Variants in PPP3CA observed in about 807,000 individuals in gnomAD.
PPP3CA encodes the protein CAM-PRP catalytic subunit.
Under a neutral mutation model 66.5 loss-of-function variants are expected in PPP3CA, and 14 were observed. The ratio of observed to expected loss-of-function variants is 0.21; its 90% CI spans 0.14 to 0.33. The LOEUF (loss-of-function observed/expected upper bound fraction) is 0.33, where lower values mean the gene tolerates loss of function less well. Among genes scored for constraint, PPP3CA ranks in the 10% least tolerant of loss-of-function variants. The pLI is 1.00. For synonymous variants in PPP3CA, 232 were observed against 226.2 expected (o/e 1.03, Z -0.23); for missense variants, 317 against 639.5 (o/e 0.50, Z 5.44).
chr4:101,197,267 C>T (rs1191332388), intron 1 of PPP3CA, among the ~76,000 whole-genome samples: 1 of 152,076 alleles, frequency 6.6e-6, no homozygotes, highest in African/African-American at 2.4e-5. Context: ...AGACCTATGC[C>T]AAAAAATTGT....
intron 1 of PPP3CA, among the ~76,000 whole-genome samples, chr4:101,321,473 T>C (rs1729039302): frequency 6.6e-6 from 1 of 152,204 alleles, no homozygotes; most frequent in Admixed American, 6.5e-5. Context: ...GCTTAAAAAA[T>C]ATTAGCAGAG....
chr4:101,283,755 C>A (rs1027112388), intron 1 of PPP3CA, among the ~76,000 whole-genome samples: 6 of 152,018 alleles, frequency 3.9e-5, no homozygotes, highest in Non-Finnish European at 8.8e-5. Context: ...CTGGAAGATG[C>A]CATTGTTATC....
intron 2 of PPP3CA, among the ~76,000 whole-genome samples, chr4:101,131,656 A>G (rs1214531958): frequency 1.3e-5 from 2 of 152,192 alleles, no homozygotes; most frequent in South Asian, 2.1e-4. Context: ...TAATAGTGGG[A>G]GACTTTAACA....
At chr4:101,222,709 A>G (rs1049309720) in intron 1 of PPP3CA, among the ~76,000 whole-genome samples, 1 of 151,692 alleles carries the variant, frequency 6.6e-6, no homozygotes, top group African/African-American at 2.4e-5. Flanking sequence ...AGATAGGCCA[A>G]TCGTACAAGG....
At chr4:101,053,619 C>T (rs1405038223) in intron 10 of PPP3CA, among the ~76,000 whole-genome samples, 3 of 152,096 alleles carry the variant, frequency 2.0e-5, no homozygotes, top group Non-Finnish European at 4.4e-5. Context: ...TTTTCCAAAT[C>T]CTGCTTGGGC....
intron 10 of PPP3CA, among the ~76,000 whole-genome samples, chr4:101,052,524 C>A (rs753947360): frequency 6.6e-5 from 10 of 151,242 alleles, no homozygotes; most frequent in Non-Finnish European, 1.2e-4. Context: ...TAAAGACAAA[C>A]GATTTAGCTT....
chr4:101,107,459 A>G lies in PPP3CA; in HGVS notation c.384+1495T>C, dbSNP rs62305892. ...GCATATACATTTTATATGCTTGACC[A>G]TACTTGTTTATCAAATGGAGGAAAT... On this transcript the variant is annotated intron_variant, in intron 3 of 13. Coordinates refer to ENST00000394854, the MANE Select transcript of PPP3CA (RefSeq NM_000944.5). 2.8e-3 allele frequency among the ~76,000 whole-genome samples: 424 copies of G among 152,340 alleles called. 1 individual carries two copies. Among genetic ancestry groups the G allele is most frequent in the Non-Finnish European group, 4.6e-3 (313 of 68,022 alleles).
At chr4:101,321,621 G>C (rs1031908264) in intron 1 of PPP3CA, among the ~76,000 whole-genome samples, 10 of 152,132 alleles carry the variant, frequency 6.6e-5, no homozygotes, top group African/African-American at 2.2e-4. Flanking sequence ...GGATTCACTT[G>C]TTGTTGTCAT....
At chr4:101,164,761 A>G (rs1446271567) in intron 2 of PPP3CA, among the ~76,000 whole-genome samples, 1 of 152,064 alleles carries the variant, frequency 6.6e-6, no homozygotes, top group African/African-American at 2.4e-5. Context: ...ATGAAAATAT[A>G]ATGTCAGTAT....
chr4:101,071,732 T>C (rs1728929174), intron 8 of PPP3CA, among the ~76,000 whole-genome samples: 2 of 152,194 alleles, frequency 1.3e-5, no homozygotes, highest in Non-Finnish European at 2.9e-5. Context: ...ACATCTGAAA[T>C]CCTGTAATTC....
At chr4:101,060,232 C>T (rs1172739446) in intron 10 of PPP3CA, among the ~76,000 whole-genome samples, 2 of 152,018 alleles carry the variant, frequency 1.3e-5, no homozygotes. Context: ...GGACCACAAT[C>T]ATGCACCACC....
intron 1 of PPP3CA, among the ~76,000 whole-genome samples, chr4:101,323,158 C>T (rs1338353408): frequency 1.3e-5 from 2 of 152,126 alleles, no homozygotes; most frequent in Non-Finnish European, 2.9e-5. Context: ...TCTAGTATTC[C>T]TATTGCTCCA....
chr4:101,032,049 AATGGGGGAAAG>A, intron 12 of PPP3CA, among the ~76,000 whole-genome samples: 1 of 152,286 alleles, frequency 6.6e-6, no homozygotes, highest in African/African-American at 2.4e-5. Context: ...TGAATGAGGG[AATGGGGGAAAG>A]GTGGAGTAAA....
At chr4:101,228,157 A>G (rs1035100914) in intron 1 of PPP3CA, among the ~76,000 whole-genome samples, 5 of 151,758 alleles carry the variant, frequency 3.3e-5, no homozygotes, top group African/African-American at 1.2e-4. Flanking sequence ...AAATATTGAA[A>G]ACACTTATGT....
At chr4:101,043,034 C>A (rs1379171787) in intron 10 of PPP3CA, among the ~76,000 whole-genome samples, 2 of 151,994 alleles carry the variant, frequency 1.3e-5, no homozygotes, top group African/African-American at 4.8e-5. Context: ...AACAATATGG[C>A]CAGATCATGA....
chr4:101,124,791 GAAAGAA>G (rs1722191299), intron 2 of PPP3CA, among the ~76,000 whole-genome samples: 1 of 121,226 alleles, frequency 8.2e-6, no homozygotes, highest in East Asian at 2.5e-4. Flanking sequence ...AAGAAAGAAA[GAAAGAA>G]AGAGAAAACT....
intron 1 of PPP3CA, among the ~76,000 whole-genome samples, chr4:101,266,094 A>G (rs768002302): frequency 2.0e-5 from 3 of 152,148 alleles, no homozygotes; most frequent in Admixed American, 6.5e-5. Context: ...TTTCTTACCA[A>G]GTGACTTAGA....
Position 101,102,249 on chromosome 4 carries a change from AAAGG to A in PPP3CA, c.385-2531_385-2528del, listed in dbSNP as rs534565374. ...AAAGAAAGGAGGGAGGGAGGCAGAGAAAGGAAGGAAGGAAGGAAGGGAGGGAGGA... is the reference window on the plus strand; with the variant it reads ...AAAGAAAGGAGGGAGGGAGGCAGAGAAAGGAAGGAAGGAAGGGAGGGAGGA... On this transcript the variant is annotated intron_variant, in intron 3 of 13. Transcript: ENST00000394854. Among the ~76,000 whole-genome samples the A allele has an allele frequency of 2.7e-3, 409 of 150,724 alleles. 6 individuals are homozygous for A. Among genetic ancestry groups the A allele is most frequent in the Non-Finnish European group, 3.6e-3 (246 of 67,572 alleles).
intron 2 of PPP3CA, among the ~76,000 whole-genome samples, chr4:101,168,114 C>A (rs1393971830): frequency 2.0e-5 from 3 of 152,046 alleles, no homozygotes; most frequent in African/African-American, 7.2e-5. Context: ...AATAATCCAG[C>A]CAAGGTAGTG....
Sources: gnomAD v4.1 joint callset for allele counts (sites outside exome capture counted in the v4.1 genomes callset) on GRCh38, gnomAD v4.1.1 for gene constraint, MANE v1.5 for transcripts, NCBI Gene and HGNC (gene_info 2026-07-23, HGNC 2026-07-21) for gene names.